Variants in GALNTL6 observed in about 807,000 individuals in gnomAD.
GALNTL6 encodes polypeptide N-acetylgalactosaminyltransferase-like 6.
GALNTL6 carries 46 observed loss-of-function variants against 73.7 expected under a neutral mutation model. The ratio of observed to expected loss-of-function variants is 0.62; its 90% CI spans 0.49 to 0.80. The LOEUF is 0.80. GALNTL6 is among the 30% of genes least tolerant of loss of function. The probability of loss-of-function intolerance (pLI) is 0.00; values close to 1 mark genes in which losing one functional copy is unlikely to be tolerated. For synonymous variants in GALNTL6, 259 were observed against 263.7 expected (o/e 0.98, Z 0.17); for missense variants, 604 against 755.0 (o/e 0.80, Z 2.34).
chr4:172,386,949 G>A (rs1309544897), intron 5 of GALNTL6, among the ~76,000 whole-genome samples: 1 of 152,106 alleles, frequency 6.6e-6, no homozygotes. Context: ...CAAACCATCT[G>A]AGTTTCCTTT....
At chr4:172,466,283 C>A (rs1255821701) in intron 5 of GALNTL6, among the ~76,000 whole-genome samples, 1 of 151,914 alleles carries the variant, frequency 6.6e-6, no homozygotes, top group African/African-American at 2.4e-5. Context: ...TGAAAATGTA[C>A]AAAAGTAATG....
intron 2 of GALNTL6, among the ~76,000 whole-genome samples, chr4:171,892,185 G>T (rs1451759390): frequency 1.3e-5 from 2 of 152,274 alleles, no homozygotes; most frequent in South Asian, 2.1e-4. Flanking sequence ...ACTTCATTAT[G>T]TGTATGCAAA....
intron 5 of GALNTL6, among the ~76,000 whole-genome samples, chr4:172,732,056 A>G (rs530570417): frequency 4.6e-5 from 7 of 152,172 alleles, no homozygotes; most frequent in Non-Finnish European, 1.0e-4. Flanking sequence ...TAGTCCTATT[A>G]GATCTAGTGT....
rs143242768 is a variant in GALNTL6, at chr4:172,768,661, C to T, written c.554-40700C>T. 1.7e-3 allele frequency among the ~76,000 whole-genome samples: 254 copies of T among 152,112 alleles called. 1 individual carries two copies. The highest frequency in any genetic ancestry group is 6.0e-3 in the African/African-American group (247 of 41,486). On this transcript the variant is annotated intron_variant, in intron 5 of 12. Coordinates refer to ENST00000506823, the MANE Select transcript of GALNTL6 (RefSeq NM_001034845.3). The stretch of plus-strand genomic sequence containing the variant: ...ACTTGTGGTGCCACCATTTTTACAC[C>T]AAATATGAATGTGCCTGGAACTAAG...
At chr4:172,940,182 C>T (rs1050160287) in intron 9 of GALNTL6, among the ~76,000 whole-genome samples, 2 of 143,624 alleles carry the variant, frequency 1.4e-5, no homozygotes, top group African/African-American at 5.1e-5. Flanking sequence ...CAAAACCTCG[C>T]AAAACTTTTT....
At chr4:171,994,539 G>A (rs569453272) in intron 2 of GALNTL6, among the ~76,000 whole-genome samples, 1 of 152,104 alleles carries the variant, frequency 6.6e-6, no homozygotes, top group South Asian at 2.1e-4. Flanking sequence ...AGGAGGATGA[G>A]AGATGAAGGA....
chr4:172,562,196 A>G (rs572118899), intron 5 of GALNTL6, among the ~76,000 whole-genome samples: 2 of 152,262 alleles, frequency 1.3e-5, no homozygotes, highest in East Asian at 3.9e-4. Context: ...AGTTGGGAGT[A>G]TCAACACTCA....
intron 2 of GALNTL6, among the ~76,000 whole-genome samples, chr4:171,971,815 T>A (rs967791787): frequency 6.6e-6 from 1 of 152,190 alleles, no homozygotes; most frequent in East Asian, 1.9e-4. Context: ...CTGCCTTAAA[T>A]TAACAGTCAT....
At chr4:172,321,404 A>G (rs1031748435) in intron 4 of GALNTL6, among the ~76,000 whole-genome samples, 9 of 152,226 alleles carry the variant, frequency 5.9e-5, no homozygotes, top group African/African-American at 2.2e-4. Context: ...TAAGCCATGC[A>G]AAGAAACAGT....
intron 2 of GALNTL6, among the ~76,000 whole-genome samples, chr4:171,974,402 C>A (rs1293917433): frequency 6.6e-6 from 1 of 152,192 alleles, no homozygotes; most frequent in Non-Finnish European, 1.5e-5. Flanking sequence ...TTAATGCTGA[C>A]ATCTGTTCAA....
At position 172,673,144 on chromosome 4, in the gene GALNTL6, T is replaced by C. The variant is rs115317186; in HGVS notation, c.554-136217T>C. 4.4e-3 allele frequency among the ~76,000 whole-genome samples: 674 copies of C among 152,338 alleles called. 5 individuals carry two copies. Among genetic ancestry groups the C allele is most frequent in the African/African-American group, 0.015 (644 of 41,566 alleles). On this transcript the variant is annotated intron_variant, in intron 5 of 12. Coordinates refer to ENST00000506823, the MANE Select transcript of GALNTL6 (RefSeq NM_001034845.3). ...TATAGATCTGTCTAACTTTTTGATG[T>C]GGGTATTTAGTGCTTTAAATTCCCC...
chr4:172,342,360 A>G (rs1741598461), intron 4 of GALNTL6, among the ~76,000 whole-genome samples: 1 of 152,196 alleles, frequency 6.6e-6, no homozygotes, highest in African/African-American at 2.4e-5. Flanking sequence ...CTGGATTCTT[A>G]TTCGTTGCTC....
chr4:172,693,946 C>A (rs1210660940), intron 5 of GALNTL6, among the ~76,000 whole-genome samples: 1 of 152,134 alleles, frequency 6.6e-6, no homozygotes, highest in Non-Finnish European at 1.5e-5. Context: ...ATCACTGTGG[C>A]AGAGATGCCT....
intron 7 of GALNTL6, among the ~76,000 whole-genome samples, chr4:172,876,450 TTTTTTA>T (rs891173690): frequency 1.2e-4 from 18 of 152,166 alleles, no homozygotes; most frequent in Non-Finnish European, 2.6e-4. Flanking sequence ...ACAGAGAGCT[TTTTTTA>T]TTTTTAAGGA....
rs536063965 is a variant in GALNTL6, at chr4:172,742,388, A to C, written c.554-66973A>C. On this transcript the variant is annotated intron_variant, in intron 5 of 12. Transcript: ENST00000506823. ...ATAATTTTCCTGAATAGTCCAAACC[A>C]ATCACCCCAGCCTGTAAAGTACCTC... 7.2e-5 allele frequency among the ~76,000 whole-genome samples: 11 copies of C among 151,762 alleles called. No individual in the cohort carries two copies. In the East Asian group the frequency reaches 2.1e-3, roughly 29 times the overall value.
intron 5 of GALNTL6, among the ~76,000 whole-genome samples, chr4:172,591,103 G>T (rs142582351): frequency 4.6e-5 from 7 of 152,246 alleles, no homozygotes; most frequent in Admixed American, 4.6e-4. Context: ...GAGCACCAAG[G>T]TGTAGGTAAA....
chr4:172,410,870 CA>C (rs1407174567), intron 5 of GALNTL6, among the ~76,000 whole-genome samples: 13 of 151,886 alleles, frequency 8.6e-5, no homozygotes, highest in African/African-American at 3.1e-4. Context: ...CTCATGTCAA[CA>C]AAGTTTATAG....
At chr4:171,926,656 G>A (rs1264520254) in intron 2 of GALNTL6, among the ~76,000 whole-genome samples, 1 of 151,930 alleles carries the variant, frequency 6.6e-6, no homozygotes, top group Non-Finnish European at 1.5e-5. Context: ...ACTATCTGTT[G>A]GATATGCAGG....
At chr4:172,625,959 T>C (rs909954634) in intron 5 of GALNTL6, among the ~76,000 whole-genome samples, 1 of 152,186 alleles carries the variant, frequency 6.6e-6, no homozygotes, top group Non-Finnish European at 1.5e-5. Context: ...TTTCTCCCAC[T>C]CTGTAGGTTG....
Sources: gnomAD v4.1 joint callset for allele counts (sites outside exome capture counted in the v4.1 genomes callset) on GRCh38, gnomAD v4.1.1 for gene constraint, MANE v1.5 for transcripts, NCBI Gene and HGNC (gene_info 2026-07-23, HGNC 2026-07-21) for gene names.